IGSF10: variants seen among roughly 807,000 people sequenced by gnomAD.
IGSF10 encodes calvaria mechanical force protein 608.
IGSF10 carries 126 observed loss-of-function variants against 128.2 expected under a neutral mutation model. That is an observed-to-expected ratio of 0.98 (90% confidence interval 0.85 to 1.14). IGSF10 has a LOEUF of 1.14. Among genes scored for constraint, IGSF10 ranks in the 50% most tolerant of loss-of-function variants. The pLI is 0.00. For missense variants in IGSF10, 3,295 were observed against 3,149.8 expected (o/e 1.05, Z -1.10); for synonymous variants, 1,185 against 1,146.2 (o/e 1.03, Z -0.68).
the IGSF10 span, among the ~76,000 whole-genome samples, chr3:151,590,757 T>C: frequency 9.2e-5 from 14 of 152,182 alleles, no homozygotes; most frequent in East Asian, 2.7e-3. Flanking sequence ...AGAAGGAGGG[T>C]AATGCAACAT....
At chr3:151,532,297 T>C in the IGSF10 span, among the ~76,000 whole-genome samples, 14 of 152,058 alleles carry the variant, frequency 9.2e-5, no homozygotes, top group African/African-American at 3.4e-4. Flanking sequence ...TTCCTAACCA[T>C]AGAAAAGGAG....
At chr3:151,474,162 A>T in the IGSF10 span, among the ~76,000 whole-genome samples, 1 of 152,172 alleles carries the variant, frequency 6.6e-6, no homozygotes, top group Non-Finnish European at 1.5e-5. Context: ...ATGGAACATC[A>T]TGCAGCTTTA....
intron 7 of IGSF10, among the ~76,000 whole-genome samples, chr3:151,442,565 T>C (rs1720922540): frequency 6.7e-6 from 1 of 149,482 alleles, no homozygotes; most frequent in African/African-American, 2.5e-5. Context: ...TTTTTTGTAC[T>C]TTTAGTAGAG....
At chr3:151,547,065 G>A in the IGSF10 span, among the ~76,000 whole-genome samples, 2 of 151,962 alleles carry the variant, frequency 1.3e-5, no homozygotes, top group Non-Finnish European at 2.9e-5. Context: ...GAACCACCGT[G>A]CCCGGCCTCT....
At chr3:151,473,305 C>G in the IGSF10 span, among the ~76,000 whole-genome samples, 5 of 152,212 alleles carry the variant, frequency 3.3e-5, no homozygotes, top group African/African-American at 4.8e-5. Flanking sequence ...CAATGCCTCT[C>G]TGTGTTCCCA....
the IGSF10 span, among the ~76,000 whole-genome samples, chr3:151,541,333 A>C: frequency 1.3e-5 from 2 of 152,224 alleles, no homozygotes; most frequent in Non-Finnish European, 2.9e-5. Context: ...GGAGGCTAAC[A>C]AAACAGTAAA....
the IGSF10 span, among the ~76,000 whole-genome samples, chr3:151,528,349 G>GTT: frequency 3.3e-5 from 5 of 152,252 alleles, no homozygotes; most frequent in African/African-American, 9.6e-5. Flanking sequence ...AATTTATAAG[G>GTT]TTTTTTTAAA....
At chr3:151,469,132 C>A in the IGSF10 span, among the ~76,000 whole-genome samples, 2 of 152,204 alleles carry the variant, frequency 1.3e-5, no homozygotes, top group Non-Finnish European at 2.9e-5. Context: ...TTTATTCATT[C>A]TATCATTGTT....
the IGSF10 span, among the ~76,000 whole-genome samples, chr3:151,470,892 A>G: frequency 6.6e-6 from 1 of 152,208 alleles, no homozygotes; most frequent in Non-Finnish European, 1.5e-5. Context: ...CTAACATCTT[A>G]TGAATTACTT....
chr3:151,592,405 T>G, the IGSF10 span, among the ~76,000 whole-genome samples: 1 of 152,270 alleles, frequency 6.6e-6, no homozygotes, highest in East Asian at 1.9e-4. Context: ...CAAAGGACTT[T>G]GTTGTTGAAG....
the IGSF10 span, among the ~76,000 whole-genome samples, chr3:151,539,813 T>TATCTATCA: frequency 7.0e-6 from 1 of 143,488 alleles, no homozygotes; most frequent in African/African-American, 2.6e-5. Context: ...TCTATCTATC[T>TATCTATCA]ATCATCTATC....
chr3:151,607,247 C>A, the IGSF10 span, among the ~76,000 whole-genome samples: 1 of 152,116 alleles, frequency 6.6e-6, no homozygotes, highest in South Asian at 2.1e-4. Context: ...TAAGGAGAGA[C>A]TGAATTAAGG....
the IGSF10 span, among the ~76,000 whole-genome samples, chr3:151,490,412 A>G: frequency 6.6e-6 from 1 of 152,282 alleles, no homozygotes; most frequent in South Asian, 2.1e-4. Context: ...CATAGACAGC[A>G]ATACGATAGT....
At chr3:151,496,528 AT>A in the IGSF10 span, among the ~76,000 whole-genome samples, 7 of 107,314 alleles carry the variant, frequency 6.5e-5, no homozygotes, top group Non-Finnish European at 1.3e-4. Context: ...ACATGAACTC[AT>A]TTTTTATGGC....
chr3:151,536,920 G>A, the IGSF10 span, among the ~76,000 whole-genome samples: 1 of 152,274 alleles, frequency 6.6e-6, no homozygotes, highest in South Asian at 2.1e-4. Flanking sequence ...AATTACCTTG[G>A]CTGATGGGTA....
the IGSF10 span, among the ~76,000 whole-genome samples, chr3:151,493,547 G>C: frequency 2.0e-5 from 3 of 152,070 alleles, no homozygotes; most frequent in Non-Finnish European, 2.9e-5. Flanking sequence ...GCAGTTGCCT[G>C]CAGTATTCAG....
chr3:151,437,211 TAG>T lies in IGSF10; in HGVS notation c.7348_7349del (p.Leu2450IlefsTer7), dbSNP rs760604211. ...TTCCATCAGACACACAATGCAGTGA[TAG>T]AGATTCTCCACTGATGCCTTTTACT... ...GTVKGISGES[L>X]SLHCVSDGIP... On this transcript the variant is annotated frameshift_variant, in exon 8 of 8. Coordinates refer to ENST00000282466, the MANE Select transcript of IGSF10 (RefSeq NM_178822.5). LOFTEE classifies it low-confidence loss of function (END_TRUNC). 1.2e-5 allele frequency: 20 copies of T among 1,614,112 alleles called. No homozygotes were observed. The highest frequency in any genetic ancestry group is 8.3e-5 in the Admixed American group (5 of 60,000).
the IGSF10 span, among the ~76,000 whole-genome samples, chr3:151,483,651 G>A: frequency 3.9e-5 from 6 of 152,150 alleles, no homozygotes; most frequent in Non-Finnish European, 7.4e-5. Context: ...AATAGGTGCA[G>A]CCCAAGGAGG....
the IGSF10 span, among the ~76,000 whole-genome samples, chr3:151,504,934 T>C: frequency 6.6e-6 from 1 of 152,220 alleles, no homozygotes; most frequent in African/African-American, 2.4e-5. Context: ...CATATCACCA[T>C]CAGCATTTTG....
Sources: allele counts gnomAD v4.1 joint callset (sites outside exome capture counted in the v4.1 genomes callset), GRCh38; gene constraint gnomAD v4.1.1; transcripts MANE v1.5; gene names NCBI Gene and HGNC (gene_info 2026-07-23, HGNC 2026-07-21).